The following TRAM2 variants were observed in gnomAD, a reference collection of about 807,000 sequenced individuals.
TRAM2 encodes the protein translocation associated membrane protein 2, also known as translocating chain-associated membrane protein 2.
A neutral mutation model predicts 51.0 loss-of-function variants in TRAM2; 12 were observed. The observed-to-expected ratio is 0.24, with a 90% CI of 0.15 to 0.38. The LOEUF (loss-of-function observed/expected upper bound fraction) is 0.38, where lower values mean the gene tolerates loss of function less well. Ranked by LOEUF, TRAM2 falls within the 10% of genes least tolerant of loss-of-function variation. The pLI is 1.00. For missense variants in TRAM2, 361 were observed against 462.0 expected (o/e 0.78, Z 2.00); for synonymous variants, 175 against 179.4 (o/e 0.98, Z 0.20).
Position 52,508,460 on chromosome 6 carries a change from C to T in TRAM2, c.471-142G>A, listed in dbSNP as rs1039000194. Reference sequence around the variant, plus strand: ...AGGAGCAAGGGAGTTAGGCCAGTGACCGCCGCACCCTGAGCCTGGGACCCT... The same window carrying T: ...AGGAGCAAGGGAGTTAGGCCAGTGATCGCCGCACCCTGAGCCTGGGACCCT... On this transcript the variant is annotated intron_variant, in intron 5 of 10. Coordinates refer to ENST00000182527, the MANE Select transcript of TRAM2 (RefSeq NM_012288.4). 1.5e-5 allele frequency: 11 copies of T among 746,956 alleles called. No homozygotes were observed. In the Admixed American group the frequency reaches 2.8e-4, roughly 19 times the overall value. The allele number at this position is 746,956 out of a possible 1,614,324, so 46.3% of individuals were successfully genotyped here. A position where few individuals can be genotyped will look rare whatever the true frequency, so the allele number is the denominator to read the frequency against.
chr6:52,498,891 C>G lies in TRAM2; in HGVS notation c.*4306G>C, dbSNP rs1766146208. 6.6e-6 allele frequency: 1 copy of G among 152,552 alleles called. No individual in the cohort carries two copies. Among genetic ancestry groups the G allele is most frequent in the Non-Finnish European group, 1.5e-5 (1 of 68,066 alleles). The allele number at this position is 152,552 out of a possible 1,614,324, so 9.4% of individuals were successfully genotyped here. On this transcript the variant is annotated 3_prime_UTR_variant, in exon 11 of 11. Transcript: ENST00000182527. The stretch of plus-strand genomic sequence containing the variant: ...CAGCAAAGTAAGGCACTTATTCTCA[C>G]ACACAGGCGCACGCACGCAATCTGC...
chr6:52,512,834 A>C (rs1280761123), intron 4 of TRAM2, among the ~76,000 whole-genome samples: 6 of 152,196 alleles, frequency 3.9e-5, no homozygotes, highest in African/African-American at 9.7e-5. Flanking sequence ...CCATCAGAAC[A>C]ACCATGCACT....
intron 1 of TRAM2, among the ~76,000 whole-genome samples, chr6:52,557,955 G>A (rs762780090): frequency 4.6e-5 from 7 of 152,120 alleles, no homozygotes; most frequent in Non-Finnish European, 8.8e-5. Flanking sequence ...ACTCCTAGAG[G>A]AAGCTGAGCT....
intron 5 of TRAM2, 98 bp from the exon 6 acceptor site, chr6:52,508,416 G>T: frequency 8.5e-7 from 1 of 1,174,614 alleles, no homozygotes; most frequent in Non-Finnish European, 1.2e-6. Flanking sequence ...CTGAGACTCT[G>T]CCTGTGAGGA....
At chr6:52,547,421 G>A (rs1767224672) in intron 1 of TRAM2, among the ~76,000 whole-genome samples, 1 of 152,100 alleles carries the variant, frequency 6.6e-6, no homozygotes, top group South Asian at 2.1e-4. Context: ...TGTGCAGTTC[G>A]GACACCTTGT....
intron 2 of TRAM2, chr6:52,529,510 G>A (rs916900908): frequency 5.9e-5 from 9 of 152,174 alleles, no homozygotes; most frequent in African/African-American, 2.4e-5. Context: ...CAGCAGGTCT[G>A]CGGTGGGGCC....
At chr6:52,561,112 C>T (rs889644518) in intron 1 of TRAM2, among the ~76,000 whole-genome samples, 4 of 152,120 alleles carry the variant, frequency 2.6e-5, no homozygotes, top group African/African-American at 7.2e-5. Flanking sequence ...AAACATGCTA[C>T]GTGAAAGAAG....
chr6:52,508,357 A>G, intron 5 of TRAM2, 39 bp from the exon 6 acceptor site: 1 of 1,596,120 alleles, frequency 6.3e-7, no homozygotes, highest in South Asian at 1.1e-5. Context: ...CAGGATAGAG[A>G]AAAGTGTCCC....
chr6:52,511,460 T>A (rs1766450965), intron 4 of TRAM2, among the ~76,000 whole-genome samples: 1 of 152,154 alleles, frequency 6.6e-6, no homozygotes, highest in African/African-American at 2.4e-5. Context: ...GTCCAATAAC[T>A]TCAGGCTAGG....
intron 1 of TRAM2, 85 bp downstream of exon 1, chr6:52,576,711 A>C (rs1372160572): frequency 1.3e-6 from 2 of 1,519,836 alleles, no homozygotes; most frequent in Non-Finnish European, 1.8e-6. Flanking sequence ...CGATCAGAGG[A>C]GGGCCCGCTG....
At chr6:52,541,782 T>A (rs1368531807) in intron 1 of TRAM2, among the ~76,000 whole-genome samples, 1 of 145,134 alleles carries the variant, frequency 6.9e-6, no homozygotes, top group African/African-American at 2.5e-5. Flanking sequence ...AAGTATTAAA[T>A]CCTTTGGTTC....
At chr6:52,568,000 C>T (rs9474250) in intron 1 of TRAM2, among the ~76,000 whole-genome samples, 9,486 of 152,274 alleles carry the variant, frequency 0.062, 780 homozygotes, top group African/African-American at 0.19. Flanking sequence ...TACACATTTT[C>T]CAGTCCTGTT....
At chr6:52,517,939 T>C (rs1766581807) in intron 2 of TRAM2, among the ~76,000 whole-genome samples, 1 of 152,066 alleles carries the variant, frequency 6.6e-6, no homozygotes, top group Admixed American at 6.5e-5. Context: ...GAGAACATGA[T>C]CTTGGAAATC....
intron 1 of TRAM2, 58 bp from the exon 2 acceptor site, chr6:52,535,904 G>C (rs901739989): frequency 1.8e-5 from 27 of 1,490,108 alleles, no homozygotes; most frequent in Middle Eastern, 3.4e-4. Context: ...AAAGAAACAA[G>C]TGGAAGCTGC....
At chr6:52,534,910 T>G (rs1318492732) in intron 2 of TRAM2, among the ~76,000 whole-genome samples, 2 of 152,214 alleles carry the variant, frequency 1.3e-5, no homozygotes, top group Non-Finnish European at 1.5e-5. Flanking sequence ...CCTGGCATGA[T>G]GCTGGCTGGG....
intron 2 of TRAM2, among the ~76,000 whole-genome samples, chr6:52,526,976 A>T (rs541280341): frequency 1.6e-4 from 25 of 152,312 alleles, no homozygotes; most frequent in East Asian, 3.9e-4. Context: ...ATACAAAAAA[A>T]TTTTTTTTAA....
chr6:52,544,902 GC>G (rs779376077), intron 1 of TRAM2, among the ~76,000 whole-genome samples: 1 of 152,160 alleles, frequency 6.6e-6, no homozygotes, highest in Non-Finnish European at 1.5e-5. Context: ...CCCACACTTT[GC>G]CACAAACCAG....
chr6:52,533,046 T>C (rs563661734), intron 2 of TRAM2, among the ~76,000 whole-genome samples: 117 of 131,400 alleles, frequency 8.9e-4, no homozygotes, highest in African/African-American at 3.4e-3. Flanking sequence ...CCTAAGGTAG[T>C]CAAATTCACA....
chr6:52,548,772 C>T (rs903650883), intron 1 of TRAM2, among the ~76,000 whole-genome samples: 3 of 152,172 alleles, frequency 2.0e-5, no homozygotes, highest in Non-Finnish European at 4.4e-5. Context: ...CATTTTAAGA[C>T]AAGAGATGTC....
Sources: gnomAD v4.1 joint callset for allele counts (sites outside exome capture counted in the v4.1 genomes callset) on GRCh38, gnomAD v4.1.1 for gene constraint, MANE v1.5 for transcripts, NCBI Gene and HGNC (gene_info 2026-07-23, HGNC 2026-07-21) for gene names.